BLTP1: variants seen among roughly 807,000 people sequenced by gnomAD.
BLTP1 encodes the protein bridge-like lipid transfer protein family member 1.
chr4:122,289,840 T>C, the BLTP1 span: 1 of 961,326 alleles, frequency 1.0e-6, no homozygotes, highest in Non-Finnish European at 1.2e-6. Flanking sequence ...TTATGAAGTA[T>C]CTAGGTATTC....
chr4:122,349,629 A>G, the BLTP1 span: 7 of 1,601,188 alleles, frequency 4.4e-6, no homozygotes, highest in Non-Finnish European at 6.0e-6. This position sits in a 1 kb window ranked among gnomAD's most constrained non-coding sequence, Gnocchi z 4.5. Context: ...GGATTCAAGC[A>G]TAACTGATAA....
At chr4:122,241,445 G>T in the BLTP1 span, among the ~76,000 whole-genome samples, 4 of 152,106 alleles carry the variant, frequency 2.6e-5, no homozygotes, top group Non-Finnish European at 4.4e-5. Flanking sequence ...AGGATCTCAT[G>T]TACTTTGAAT....
the BLTP1 span, among the ~76,000 whole-genome samples, chr4:122,211,487 A>G: frequency 6.6e-6 from 1 of 152,190 alleles, no homozygotes. Context: ...AATGGAAAAG[A>G]CTACTTTAAG....
chr4:122,345,687 C>T, the BLTP1 span, among the ~76,000 whole-genome samples: 1 of 151,860 alleles, frequency 6.6e-6, no homozygotes, highest in Admixed American at 6.6e-5. Context: ...TGGGTTGATG[C>T]TTCAGAATGG....
At chr4:122,318,364 T>A in the BLTP1 span, 1 of 931,102 alleles carries the variant, frequency 1.1e-6, no homozygotes, top group East Asian at 2.6e-5. Context: ...TAAAGCACGT[T>A]ACATGTAATC....
At chr4:122,291,795 C>T in the BLTP1 span, 11 of 971,558 alleles carry the variant, frequency 1.1e-5, no homozygotes, top group Admixed American at 6.2e-5. Context: ...AATATAATAG[C>T]GTCTCTTATG....
chr4:122,233,689 A>C, the BLTP1 span, among the ~76,000 whole-genome samples: 10 of 152,164 alleles, frequency 6.6e-5, no homozygotes, highest in Non-Finnish European at 1.2e-4. Flanking sequence ...TAGATGTTCC[A>C]CTTCTAAGTT....
the BLTP1 span, chr4:122,214,042 C>T: frequency 1.6e-5 from 3 of 189,276 alleles, no homozygotes; most frequent in Non-Finnish European, 2.9e-5. Flanking sequence ...TAATCTTGAA[C>T]AGAAACCTGG....
the BLTP1 span, chr4:122,289,246 C>T: frequency 1.2e-5 from 15 of 1,218,846 alleles, no homozygotes; most frequent in East Asian, 2.4e-5. Context: ...TCTCATTGAG[C>T]GTGTGATATC....
chr4:122,161,896 A>G, the BLTP1 span, among the ~76,000 whole-genome samples: 49 of 152,348 alleles, frequency 3.2e-4, no homozygotes, highest in African/African-American at 1.1e-3. Context: ...AGACTGCTCA[A>G]TGCCAGGAAC....
chr4:122,193,308 A>T, the BLTP1 span, among the ~76,000 whole-genome samples: 1 of 152,092 alleles, frequency 6.6e-6, no homozygotes, highest in South Asian at 2.1e-4. Context: ...TATATTAAAG[A>T]TTAGGGGAGA....
the BLTP1 span, among the ~76,000 whole-genome samples, chr4:122,282,482 A>G: frequency 6.6e-6 from 1 of 152,088 alleles, no homozygotes; most frequent in African/African-American, 2.4e-5. Flanking sequence ...TCTCTGTTAA[A>G]AATACAAAAA....
the BLTP1 span, chr4:122,246,901 A>G: frequency 6.6e-7 from 1 of 1,525,156 alleles, no homozygotes; most frequent in Non-Finnish European, 8.8e-7. Flanking sequence ...ATACATTTCT[A>G]AGAATGTAAT....
chr4:122,359,044 T>C, the BLTP1 span, among the ~76,000 whole-genome samples: 1 of 150,900 alleles, frequency 6.6e-6, no homozygotes, highest in Admixed American at 6.6e-5. Flanking sequence ...AATTAATGAA[T>C]GGTATGGTGT....
the BLTP1 span, among the ~76,000 whole-genome samples, chr4:122,260,928 G>A: frequency 7.6e-3 from 1,162 of 152,178 alleles, 10 homozygotes; most frequent in African/African-American, 0.025. Flanking sequence ...AATGATCACC[G>A]AAGTACACTG....
At chr4:122,349,181 GC>G in the BLTP1 span, 1 of 1,611,342 alleles carries the variant, frequency 6.2e-7, no homozygotes, top group Non-Finnish European at 8.5e-7. The surrounding 1 kb of genome is among the most constrained non-coding windows in gnomAD (Gnocchi z 4.5). Context: ...GGTTTGAAGA[GC>G]CAGGGCCGTC....
the BLTP1 span, among the ~76,000 whole-genome samples, chr4:122,308,552 AC>A: frequency 6.6e-6 from 1 of 152,112 alleles, no homozygotes; most frequent in African/African-American, 2.4e-5. Flanking sequence ...AATGAACTTA[AC>A]CTGTAATAGA....
At chr4:122,209,240 C>T in the BLTP1 span, 1 of 1,612,738 alleles carries the variant, frequency 6.2e-7, no homozygotes, top group Non-Finnish European at 8.5e-7. Flanking sequence ...AAAAAATTGC[C>T]ATCCAAATAA....
the BLTP1 span, chr4:122,200,719 C>T: frequency 5.0e-5 from 49 of 979,184 alleles, no homozygotes; most frequent in Middle Eastern, 1.1e-3. Context: ...TTAGGGATGT[C>T]GGTTGTTACC....
Sources: gnomAD v4.1 joint callset for allele counts (sites outside exome capture counted in the v4.1 genomes callset) on GRCh38, gnomAD v4.1.1 for gene constraint, Gnocchi (gnomAD v3.1) non-coding constraint, MANE v1.5 for transcripts, NCBI Gene and HGNC (gene_info 2026-07-23, HGNC 2026-07-21) for gene names.